The following TTC34 variants were observed in gnomAD, a reference collection of about 807,000 sequenced individuals.
The protein encoded by TTC34 is tetratricopeptide repeat protein 34.
In TTC34, 44 loss-of-function variants were observed where a neutral mutation model predicts 40.7. The observed-to-expected ratio is 1.08, with a 90% CI of 0.85 to 1.39. The LOEUF is 1.39. TTC34 is among the 40% of genes most tolerant of loss of function. The probability of loss-of-function intolerance (pLI) is 0.00; values close to 1 mark genes in which losing one functional copy is unlikely to be tolerated. For missense variants in TTC34, 884 were observed against 838.0 expected (o/e 1.05, Z -0.68); for synonymous variants, 422 against 398.6 (o/e 1.06, Z -0.70).
At chr1:2,750,701 C>G (rs1159888751) in intron 6 of TTC34, among the ~76,000 whole-genome samples, 9 of 86,646 alleles carry the variant, frequency 1.0e-4, no homozygotes, top group East Asian at 4.0e-4. Context: ...AAGTGAGCAT[C>G]CGACAGCCTG....
chr1:2,681,699 T>C (rs369900035), intron 6 of TTC34, among the ~76,000 whole-genome samples: 4,495 of 23,592 alleles, frequency 0.19, no homozygotes, highest in Middle Eastern at 0.29. Context: ...GGAACAGCAC[T>C]CACACCCCCA....
intron 6 of TTC34, among the ~76,000 whole-genome samples, chr1:2,754,248 G>T (rs1286667599): frequency 1.7e-5 from 1 of 60,328 alleles, no homozygotes; most frequent in East Asian, 4.1e-4. Flanking sequence ...GACTGCAACT[G>T]CACCCCCATG....
At chr1:2,792,006 CTTTTTTTTTTT>C (rs376632144) in intron 2 of TTC34, among the ~76,000 whole-genome samples, 23 of 39,560 alleles carry the variant, frequency 5.8e-4, no homozygotes, top group Admixed American at 1.1e-3. Flanking sequence ...TTGCCATATG[CTTTTTTTTTTT>C]TTTTTTTTTT....
intron 6 of TTC34, among the ~76,000 whole-genome samples, chr1:2,657,442 C>G (rs1272234598): frequency 1.1e-5 from 1 of 88,022 alleles, no homozygotes; most frequent in Non-Finnish European, 2.9e-5. Context: ...CATCTGAACT[C>G]ATGGAGCAGC....
chr1:2,767,968 C>G (rs944501679), intron 6 of TTC34, among the ~76,000 whole-genome samples: 4 of 150,858 alleles, frequency 2.7e-5, no homozygotes, highest in Admixed American at 2.0e-4. Context: ...AGCACCCCCA[C>G]TCACAGGTGA....
At chr1:2,751,301 C>A (rs1402849125) in intron 6 of TTC34, among the ~76,000 whole-genome samples, 1 of 124,432 alleles carries the variant, frequency 8.0e-6, no homozygotes, top group Non-Finnish European at 1.6e-5. Context: ...AGGTGAGCAT[C>A]CGACACCGTG....
rs1239967412 is a variant in TTC34, at chr1:2,681,105, C to A, written c.2227-35542G>T. Among the ~76,000 whole-genome samples, 5 of 87,146 alleles carry A rather than the reference C, an allele frequency of 5.7e-5. 1 individual carries two copies. Among genetic ancestry groups the A allele is most frequent in the Non-Finnish European group, 1.3e-4 (5 of 37,714 alleles). The allele number at this position is 87,146 out of a possible 152,430, so 57.2% of individuals were successfully genotyped here. On this transcript the variant is annotated intron_variant, in intron 6 of 8. Transcript: ENST00000401095. ...GACAGCCTAGAGCAGTGCCCACACC[C>A]CCAGGTGAGCATCTGACAGCGTGGA... is the stretch of plus-strand genomic sequence containing the variant.
intron 6 of TTC34, among the ~76,000 whole-genome samples, chr1:2,775,799 G>A (rs1158794687): frequency 2.0e-5 from 3 of 146,532 alleles, no homozygotes; most frequent in African/African-American, 5.5e-5. Context: ...ATCTTCAGGT[G>A]AGCATCTGAC....
At chr1:2,683,606 T>C in intron 6 of TTC34, among the ~76,000 whole-genome samples, 1 of 140,176 alleles carries the variant, frequency 7.1e-6, no homozygotes, top group African/African-American at 2.9e-5. Flanking sequence ...CAGGCGAGCA[T>C]CTGACATCCT....
At chr1:2,683,024 C>G in intron 6 of TTC34, among the ~76,000 whole-genome samples, 1 of 151,946 alleles carries the variant, frequency 6.6e-6, no homozygotes, top group African/African-American at 2.4e-5. Context: ...TGGAGCAGCA[C>G]CCACACCCAC....
At chr1:2,751,598 G>T (rs1401341963) in intron 6 of TTC34, among the ~76,000 whole-genome samples, 1 of 76,768 alleles carries the variant, frequency 1.3e-5, no homozygotes, top group Non-Finnish European at 2.5e-5. Context: ...GCCTGCAACA[G>T]CACCCACACC....
intron 6 of TTC34, among the ~76,000 whole-genome samples, chr1:2,768,162 G>C (rs1199065813): frequency 6.6e-6 from 1 of 150,984 alleles, no homozygotes; most frequent in South Asian, 2.1e-4. Context: ...ATCAACACTC[G>C]AACCTTCAGG....
intron 6 of TTC34, among the ~76,000 whole-genome samples, chr1:2,782,000 A>G (rs1643491348): frequency 6.6e-6 from 1 of 152,226 alleles, no homozygotes; most frequent in Non-Finnish European, 1.5e-5. Flanking sequence ...CTATGGTATC[A>G]GGGTAATGCT....
At chr1:2,681,630 A>G (rs1464728133) in intron 6 of TTC34, among the ~76,000 whole-genome samples, 4 of 52,022 alleles carry the variant, frequency 7.7e-5, no homozygotes, top group Non-Finnish European at 1.2e-4. Context: ...CCACACCCCC[A>G]GCGAGCACCT....
chr1:2,760,517 A>T (rs1234833939), intron 6 of TTC34, among the ~76,000 whole-genome samples: 7 of 43,284 alleles, frequency 1.6e-4, no homozygotes, highest in East Asian at 7.0e-4. Context: ...CTGGAGCAGC[A>T]CCCACACCCC....
intron 2 of TTC34, 136 bp downstream of exon 2, chr1:2,799,908 G>T (rs1341424149): frequency 7.5e-6 from 3 of 397,784 alleles, no homozygotes; most frequent in Non-Finnish European, 1.3e-5. Flanking sequence ...AAGGGGCAGG[G>T]CCTGACTTTC....
chr1:2,693,590 C>A (rs1426476069), intron 6 of TTC34, among the ~76,000 whole-genome samples: 24 of 85,576 alleles, frequency 2.8e-4, no homozygotes, highest in Non-Finnish European at 3.8e-4. Flanking sequence ...CGCATAACCA[C>A]AGGTGAACAT....
intron 6 of TTC34, among the ~76,000 whole-genome samples, chr1:2,686,257 G>C (rs1640339720): frequency 6.7e-6 from 1 of 149,136 alleles, no homozygotes; most frequent in Non-Finnish European, 1.5e-5. Flanking sequence ...GTGAGCATCT[G>C]ACAGCGTGGA....
intron 6 of TTC34, among the ~76,000 whole-genome samples, chr1:2,688,046 C>T (rs532745380): frequency 2.6e-3 from 330 of 126,108 alleles, no homozygotes; most frequent in Admixed American, 2.5e-3. Context: ...AGCACCCACA[C>T]CCCCAGGTAA....
Sources: allele counts gnomAD v4.1 joint callset (sites outside exome capture counted in the v4.1 genomes callset), GRCh38; gene constraint gnomAD v4.1.1; transcripts MANE v1.5; gene names NCBI Gene and HGNC (gene_info 2026-07-23, HGNC 2026-07-21).